Variants in TUT4 observed in about 807,000 individuals in gnomAD.
TUT4 encodes terminal uridylyl transferase 4.
Under a neutral mutation model 192.2 loss-of-function variants are expected in TUT4, and 36 were observed. The ratio of observed to expected loss-of-function variants is 0.19; its 90% confidence interval spans 0.14 to 0.25. The LOEUF (loss-of-function observed/expected upper bound fraction) is 0.25. Among genes scored for constraint, TUT4 ranks in the 10% least tolerant of loss-of-function variants. The probability of loss-of-function intolerance (pLI) is 1.00; values close to 1 mark genes in which losing one functional copy is unlikely to be tolerated. For synonymous variants in TUT4, 618 were observed against 666.0 expected (o/e 0.93, Z 1.11); for missense variants, 1,493 against 1,957.2 (o/e 0.76, Z 4.47).
intron 11 of TUT4, among the ~76,000 whole-genome samples, chr1:52,480,028 G>A (rs1212009489): frequency 5.4e-5 from 8 of 147,478 alleles, no homozygotes; most frequent in Admixed American, 3.4e-4. Context: ...AAGACTATTA[G>A]ATATCTAAGT....
intron 9 of TUT4, among the ~76,000 whole-genome samples, chr1:52,487,429 A>T (rs571220469): frequency 2.0e-5 from 3 of 152,206 alleles, no homozygotes; most frequent in African/African-American, 4.8e-5. Context: ...ACTAGGTGAC[A>T]GAGACCTCAT....
In TUT4 at chr1:52,481,589, C is replaced by T. The variant is rs1026158255; in HGVS notation, c.1682G>A (p.Gly561Asp). Residue 561 changes from glycine to aspartate, a missense_variant, in exon 11 of 30, where the codon GGC becomes GAC. This residue lies in a region of TUT4 where 437 missense variants were observed against 577.6 expected (regional missense o/e 0.76). Transcript: ENST00000257177. ...CTTCACAAACTTCTCTTCTACTATG[C>T]CCTTCAGCTGAAAGTCATCCATTCT... ...PKRMDDFQLK[G>D]IVEEKFVKWE... 2.5e-6 allele frequency: 4 copies of T among 1,613,434 alleles called. No homozygotes were observed. In the Admixed American group the frequency reaches 5.0e-5, roughly 20 times the overall value.
chr1:52,495,944 C>T (rs1011167917), intron 5 of TUT4, among the ~76,000 whole-genome samples: 5 of 151,916 alleles, frequency 3.3e-5, no homozygotes, highest in South Asian at 2.1e-4. Context: ...TTATAAAATA[C>T]GAAGTGAAGC....
intron 29 of TUT4, 56 bp from the exon 30 acceptor site, chr1:52,424,058 A>C: frequency 6.5e-7 from 1 of 1,527,498 alleles, no homozygotes; most frequent in Non-Finnish European, 8.9e-7. Context: ...TTATCTGACA[A>C]CACCTTAGAA....
intron 4 of TUT4, among the ~76,000 whole-genome samples, chr1:52,501,613 AC>A (rs1674101366): frequency 6.6e-6 from 1 of 152,188 alleles, no homozygotes; most frequent in Admixed American, 6.5e-5. Flanking sequence ...CTGGGTATAT[AC>A]AAAAAACAAA....
intron 3 of TUT4, 64 bp from the exon 4 acceptor site, chr1:52,509,776 A>T: frequency 1.1e-6 from 1 of 897,904 alleles, no homozygotes; most frequent in East Asian, 2.4e-5. Flanking sequence ...TATTGACTAT[A>T]TAAGTGAATA....
Position 52,496,990 on chromosome 1 carries a change from T to G in TUT4, c.1177+16A>C. ...GTTTTGTGATTTTCAAAATCAAATATGAAATGTATTTCTACCTGGTAAAAA... is the reference window on the plus strand; with the variant it reads ...GTTTTGTGATTTTCAAAATCAAATAGGAAATGTATTTCTACCTGGTAAAAA... On this transcript the variant is annotated intron_variant, in intron 5 of 29. Coordinates refer to ENST00000257177, the MANE Select transcript of TUT4 (RefSeq NM_001009881.3). 1.2e-6 allele frequency: 2 copies of G among 1,607,594 alleles called. No individual in the cohort carries two copies. Among genetic ancestry groups the G allele is most frequent in the East Asian group, 2.2e-5 (1 of 44,580 alleles).
At position 52,547,116 on chromosome 1, in the gene TUT4, G is replaced by A. The variant is rs1413572620; in HGVS notation, c.-94+5815C>T. Among the ~76,000 whole-genome samples the A allele has an allele frequency of 4.0e-5, 6 of 150,338 alleles. No individual in the cohort carries two copies. In the East Asian group the frequency reaches 1.2e-3, roughly 29 times the overall value. On this transcript the variant is annotated intron_variant, in intron 1 of 29. Transcript: ENST00000257177. ...AGAGGCTGCAGTGAGCCATGTTCAC[G>A]CCACTGCACTTCAGCCTTGGTGATA...
At chr1:52,518,240 T>C (rs1230644648) in intron 2 of TUT4, among the ~76,000 whole-genome samples, 1 of 152,244 alleles carries the variant, frequency 6.6e-6, no homozygotes, top group African/African-American at 2.4e-5. Context: ...TGGTATACAA[T>C]GGAATATTAT....
chr1:52,463,614 T>C, intron 16 of TUT4: 1 of 1,297,408 alleles, frequency 7.7e-7, no homozygotes, highest in South Asian at 1.2e-5. Flanking sequence ...CAGTCCCGCA[T>C]TTTGAAACAT....
Position 52,512,616 on chromosome 1 carries a change from G to GA in TUT4, c.883-2905dup, listed in dbSNP as rs149742454. Among the ~76,000 whole-genome samples the GA allele has an allele frequency of 2.2e-3, 327 of 151,586 alleles. 15 individuals carry two copies. The East Asian group carries it at 0.057, about 26-fold the overall frequency. ...TCATCATAAACTTTCTAGTTTCACA[G>GA]AAAAAAAATACATAAAAAAAGTTAA... On this transcript the variant is annotated intron_variant, in intron 3 of 29. Coordinates refer to ENST00000257177, the MANE Select transcript of TUT4 (RefSeq NM_001009881.3).
At chr1:52,496,276 T>C (rs1672421527) in intron 5 of TUT4, among the ~76,000 whole-genome samples, 1 of 152,126 alleles carries the variant, frequency 6.6e-6, no homozygotes, top group African/African-American at 2.4e-5. Context: ...AATTCATTCC[T>C]TTTCTTATCA....
In TUT4 at chr1:52,425,365, T is replaced by C. The variant is rs761213618; in HGVS notation, c.4854A>G (p.Lys1618=). The C allele has an allele frequency of 6.2e-7, 1 of 1,613,496 alleles. No individual in the cohort carries two copies. The highest frequency in any genetic ancestry group is 1.1e-5 in the South Asian group (1 of 90,992). The change falls in exon 29 of 30, where the codon AAA becomes AAG. Residue 1618 remains lysine, a synonymous_variant. Transcript: ENST00000257177. ...HQGNARFQPN[K]PFYTQDRCAT... ...CAGTGGTACCTTGAGTATAGAAAGG[T>C]TTGTTGGGCTGGAATCGGGCATTTC...
At chr1:52,503,762 C>T (rs1028146258) in intron 4 of TUT4, among the ~76,000 whole-genome samples, 3 of 152,100 alleles carry the variant, frequency 2.0e-5, no homozygotes, top group African/African-American at 4.8e-5. Flanking sequence ...TTTTCAACTA[C>T]CATCTTGAAA....
intron 4 of TUT4, among the ~76,000 whole-genome samples, chr1:52,500,016 G>A (rs1314934141): frequency 6.6e-6 from 1 of 151,620 alleles, no homozygotes; most frequent in East Asian, 1.9e-4. Flanking sequence ...CAGCTACTTG[G>A]GAGGCTGAGG....
Position 52,431,071 on chromosome 1 carries a change from G to C in TUT4, c.4653C>G (p.His1551Gln), listed in dbSNP as rs758314030. 6.2e-7 allele frequency: 1 copy of C among 1,613,556 alleles called. No individual in the cohort carries two copies. The highest frequency in any genetic ancestry group is 1.1e-5 in the South Asian group (1 of 91,040). The part of the protein sequence containing the change: ...VAIPNTSHDG[H>Q]WPRTVAPNSL... ...AATTTGGAGCCACAGTACGGGGCCA[G>C]TGTCCATCGTGAGACGTGTTAGGGA... Residue 1551 changes from histidine (H) to glutamine (Q), a missense_variant, in exon 28 of 30, where the codon CAC becomes CAG. By Grantham distance (24) the His-to-Gln change is conservative. Coordinates refer to ENST00000257177, the MANE Select transcript of TUT4 (RefSeq NM_001009881.3).
intron 4 of TUT4, among the ~76,000 whole-genome samples, chr1:52,506,196 C>T (rs555557905): frequency 3.3e-5 from 5 of 152,274 alleles, no homozygotes; most frequent in East Asian, 3.9e-4. Context: ...ATTCATTCCT[C>T]TAATATGCTG....
chr1:52,505,779 T>C (rs537551058), intron 4 of TUT4, among the ~76,000 whole-genome samples: 1 of 152,178 alleles, frequency 6.6e-6, no homozygotes, highest in South Asian at 2.1e-4. Flanking sequence ...TCTACTGAGA[T>C]AATCACATAG....
chr1:52,465,200 G>A, intron 15 of TUT4, 27 bp from the exon 16 acceptor site: 2 of 1,573,316 alleles, frequency 1.3e-6, no homozygotes, highest in Non-Finnish European at 1.7e-6. Flanking sequence ...AAAGTCCAAG[G>A]CCTTATTATA....
Sources: allele counts gnomAD v4.1 joint callset (sites outside exome capture counted in the v4.1 genomes callset), GRCh38; gene constraint gnomAD v4.1.1; regional missense constraint gnomAD v4.1.1; transcripts MANE v1.5; gene names NCBI Gene and HGNC (gene_info 2026-07-23, HGNC 2026-07-21).